DNAJB2: variants seen among roughly 807,000 people sequenced by gnomAD.
DNAJB2 encodes the protein DnaJ heat shock protein family (Hsp40) member B2.
In DNAJB2, 19 loss-of-function variants were observed where a neutral mutation model predicts 33.3. The observed-to-expected ratio is 0.57, with a 90% CI of 0.40 to 0.84. The LOEUF is 0.84. Ranked by LOEUF, DNAJB2 falls within the 40% of genes least tolerant of loss-of-function variation. The probability of loss-of-function intolerance (pLI) is 0.00; values close to 1 mark genes in which losing one functional copy is unlikely to be tolerated. For synonymous variants in DNAJB2, 172 were observed against 164.6 expected, an observed-to-expected ratio of 1.04 and a Z score of -0.34; for missense variants, 368 against 430.9, an observed-to-expected ratio of 0.85 and a Z score of 1.29.
In DNAJB2 at chr2:219,282,919, TG is replaced by T; in HGVS notation, c.438del (p.His147ThrfsTer54). The T allele has an allele frequency of 1.2e-6, 2 of 1,601,014 alleles. No individual in the cohort carries two copies. The highest frequency in any genetic ancestry group is 1.8e-5 in the Admixed American group (1 of 56,624). On this transcript the variant is annotated frameshift_variant, in exon 6 of 9. Coordinates refer to ENST00000336576, the MANE Select transcript of DNAJB2 (RefSeq NM_006736.6). LOFTEE classifies it high-confidence loss of function. ...TCTTTACCTTCTCTTCCTCCTTCCC[TG>T]GGCACTCCGGTAAGTTCTGCCCCTT... The part of the protein sequence containing the change: ...PFFTFSSSFP[G>X]HSDFSSSSFS...
intron 2 of DNAJB2, 114 bp from the exon 3 acceptor site, chr2:219,280,464 A>C: frequency 1.3e-6 from 1 of 745,422 alleles, no homozygotes; most frequent in Non-Finnish European, 2.2e-6. Flanking sequence ...GTGGACTGGG[A>C]CCCGGGGGTG....
In DNAJB2 at chr2:219,284,674, G is replaced by A. The variant is rs749289057; in HGVS notation, c.662G>A (p.Arg221His). 1.0e-5 allele frequency: 16 copies of A among 1,607,340 alleles called. No individual in the cohort carries two copies. Among genetic ancestry groups the A allele is most frequent in the Middle Eastern group, 1.8e-4 (1 of 5,510 alleles). ...GCACTGGGCTTGGAGCTGAGCCGTC[G>A]CGAGCAGCAGCCGTCAGTCACTTCC... ...DLALGLELSR[R>H]EQQPSVTSRS... Residue 221 changes from arginine (R) to histidine (H), a missense_variant, in exon 9 of 9, where the codon CGC (arginine) becomes CAC (histidine). Coordinates refer to ENST00000336576, the MANE Select transcript of DNAJB2 (RefSeq NM_006736.6).
intron 5 of DNAJB2, chr2:219,282,289 A>G (rs1292863155): frequency 6.7e-6 from 4 of 599,984 alleles, no homozygotes; most frequent in Middle Eastern, 2.6e-4. Context: ...AATTACAACA[A>G]TAATACATTG....
At chr2:219,281,804 T>TGGGGCAGGGAGGAGA in intron 4 of DNAJB2, 33 bp downstream of exon 4, 1 of 1,613,350 alleles carries the variant, frequency 6.2e-7, no homozygotes, top group Non-Finnish European at 8.5e-7. Flanking sequence ...GGAATGGAGG[T>TGGGGCAGGGAGGAGA]GGGGCAGGGA....
At position 219,286,397 on chromosome 2, in the gene DNAJB2, G is replaced by C. The variant is rs1951957012; in HGVS notation, c.*1410G>C. The C allele has an allele frequency of 5.2e-6, 1 of 193,648 alleles. No individual in the cohort carries two copies. The highest frequency in any genetic ancestry group is 5.4e-5 in the Admixed American group (1 of 18,644). The allele number at this position is 193,648 out of a possible 1,614,324, so 12.0% of individuals were successfully genotyped here. A position where few individuals can be genotyped will look rare whatever the true frequency, so the allele number is the denominator to read the frequency against. On this transcript the variant is annotated 3_prime_UTR_variant, in exon 9 of 9. Transcript: ENST00000336576. ...GGGCTGGCAGGGTTGTAGATGAAGG[G>C]GGAATGATCTGAGCCTTGGTTCCCC... is the stretch of plus-strand genomic sequence containing the variant.
intron 2 of DNAJB2, chr2:219,280,138 A>G: frequency 1.8e-6 from 1 of 554,372 alleles, no homozygotes; most frequent in East Asian, 3.1e-5. Context: ...GTTGTTCTCC[A>G]GTTGATCTTC....
chr2:219,280,363 C>A (rs545260901), intron 2 of DNAJB2, among the ~76,000 whole-genome samples: 1 of 152,186 alleles, frequency 6.6e-6, no homozygotes, highest in Non-Finnish European at 1.5e-5. Context: ...GCATTGTATC[C>A]GCTTGTACAT....
chr2:219,285,803 G>T lies in DNAJB2; in HGVS notation c.*816G>T. The T allele has an allele frequency of 7.2e-7, 1 of 1,390,210 alleles. No homozygotes were observed. The allele number at this position is 1,390,210 out of a possible 1,614,324, so 86.1% of individuals were successfully genotyped here. A position where few individuals can be genotyped will look rare whatever the true frequency, so the allele number is the denominator to read the frequency against. On this transcript the variant is annotated 3_prime_UTR_variant, in exon 9 of 9. Coordinates refer to ENST00000336576, the MANE Select transcript of DNAJB2 (RefSeq NM_006736.6). Reference sequence around the variant, plus strand: ...TGAGGCTGGCTCACCCTGAAGAGGTGGGATAGGACCGGGGGACCCCAGAGG... The same window carrying T: ...TGAGGCTGGCTCACCCTGAAGAGGTTGGATAGGACCGGGGGACCCCAGAGG...
Position 219,279,999 on chromosome 2 carries a change from C to A in DNAJB2, c.65+101C>A. 1 of 1,348,368 alleles carries A rather than the reference C, an allele frequency of 7.4e-7. No homozygotes were observed. Among genetic ancestry groups the A allele is most frequent in the Non-Finnish European group, 1.0e-6 (1 of 960,840 alleles). The allele number at this position is 1,348,368 out of a possible 1,614,324, so 83.5% of individuals were successfully genotyped here. On this transcript the variant is annotated intron_variant, in intron 2 of 8. Coordinates refer to ENST00000336576, the MANE Select transcript of DNAJB2 (RefSeq NM_006736.6). This position sits in a 1 kb window ranked among gnomAD's most constrained non-coding sequence, Gnocchi z 4.9. Reference sequence around the variant, plus strand: ...CTGTAGGTGTCTGAGGGAACCAGGTCGTTAGAAAGCACTGGGGTGCTTCTT... The same window carrying A: ...CTGTAGGTGTCTGAGGGAACCAGGTAGTTAGAAAGCACTGGGGTGCTTCTT...
At position 219,279,587 on chromosome 2, in the gene DNAJB2, G is replaced by T; in HGVS notation, c.-37+69G>T. The T allele has an allele frequency of 2.0e-6, 1 of 508,616 alleles. No homozygotes were observed. The highest frequency in any genetic ancestry group is 3.5e-6 in the Non-Finnish European group (1 of 284,214). The allele number at this position is 508,616 out of a possible 1,614,324, so 31.5% of individuals were successfully genotyped here. On this transcript the variant is annotated intron_variant, in intron 1 of 8. Coordinates refer to ENST00000336576, the MANE Select transcript of DNAJB2 (RefSeq NM_006736.6). This position sits in a 1 kb window ranked among gnomAD's most constrained non-coding sequence, Gnocchi z 4.9. Reference sequence around the variant, plus strand: ...CTGCTGGAGTTGGGGGGCCCCGATAGGGCTCCTGGGCCTGGGCGTCGAGAT... The same window carrying T: ...CTGCTGGAGTTGGGGGGCCCCGATATGGCTCCTGGGCCTGGGCGTCGAGAT...
intron 7 of DNAJB2, 68 bp from the exon 8 acceptor site, chr2:219,283,351 C>T (rs1329311321): frequency 1.2e-6 from 2 of 1,607,450 alleles, no homozygotes; most frequent in South Asian, 1.1e-5. Flanking sequence ...CTGCGGTGGC[C>T]AGAACTGGGA....
Position 219,279,948 on chromosome 2 carries a change from C to G in DNAJB2, c.65+50C>G, listed in dbSNP as rs201236722. 3.2e-3 allele frequency: 5,137 copies of G among 1,600,670 alleles called. 24 individuals carry two copies. Among genetic ancestry groups the G allele is most frequent in the Non-Finnish European group, 4.0e-3 (4,632 of 1,169,630 alleles). On this transcript the variant is annotated intron_variant, in intron 2 of 8. Transcript: ENST00000336576. The surrounding 1 kb of genome is among the most constrained non-coding windows in gnomAD (Gnocchi z 4.9). ...AGACCTCTCACCCTCCACCCGCCAC[C>G]ACCATGGGGCACTTCAGAGTGACAC...
chr2:219,282,214 C>A (rs1951911730), intron 5 of DNAJB2, 153 bp downstream of exon 5: 4 of 1,216,192 alleles, frequency 3.3e-6, no homozygotes, highest in Non-Finnish European at 2.4e-6. Flanking sequence ...AGAGCCGGGA[C>A]AGAACCTCAC....
chr2:219,282,688 A>G (rs1461845812), intron 5 of DNAJB2, 149 bp from the exon 6 acceptor site: 6 of 641,392 alleles, frequency 9.4e-6, no homozygotes, highest in Non-Finnish European at 1.5e-5. Context: ...TCAACATTAA[A>G]AAGGAATTTA....
At chr2:219,280,179 C>G in intron 2 of DNAJB2, 1 of 538,866 alleles carries the variant, frequency 1.9e-6, no homozygotes, top group East Asian at 3.2e-5. Context: ...CTCCTTTCCC[C>G]TCCCCTCCCC....
Position 219,285,802 on chromosome 2 carries a change from T to G in DNAJB2, c.*815T>G. 1 of 1,385,378 alleles carries G rather than the reference T, an allele frequency of 7.2e-7. No individual in the cohort carries two copies. The highest frequency in any genetic ancestry group is 9.4e-7 in the Non-Finnish European group (1 of 1,065,206). 85.8% of individuals were successfully genotyped at this position (1,385,378 alleles called of 1,614,324 possible). A position where few individuals can be genotyped will look rare whatever the true frequency, so the allele number is the denominator to read the frequency against. Reference sequence around the variant, plus strand: ...GTGAGGCTGGCTCACCCTGAAGAGGTGGGATAGGACCGGGGGACCCCAGAG... The same window carrying G: ...GTGAGGCTGGCTCACCCTGAAGAGGGGGGATAGGACCGGGGGACCCCAGAG... On this transcript the variant is annotated 3_prime_UTR_variant, in exon 9 of 9. Transcript: ENST00000336576.
chr2:219,286,138 G>T lies in DNAJB2; in HGVS notation c.*1151G>T. 1.5e-6 allele frequency: 1 copy of T among 683,718 alleles called. No individual in the cohort carries two copies. Among genetic ancestry groups the T allele is most frequent in the East Asian group, 3.0e-5 (1 of 33,010 alleles). The allele number at this position is 683,718 out of a possible 1,614,324, so 42.4% of individuals were successfully genotyped here. ...GGCCTGGGTGGCGGGTGGGGGCCGG[G>T]TGGGAGGTGGCAGTAGTCTTAGCCT... On this transcript the variant is annotated 3_prime_UTR_variant, in exon 9 of 9. Coordinates refer to ENST00000336576, the MANE Select transcript of DNAJB2 (RefSeq NM_006736.6).
intron 4 of DNAJB2, 28 bp downstream of exon 4, chr2:219,281,799 G>A: frequency 6.2e-7 from 1 of 1,613,980 alleles, no homozygotes; most frequent in Non-Finnish European, 8.5e-7. Flanking sequence ...GCCCAGGAAT[G>A]GAGGTGGGGC....
intron 8 of DNAJB2, 58 bp from the exon 9 acceptor site, chr2:219,284,574 C>A (rs929880543): frequency 2.6e-6 from 4 of 1,527,210 alleles, no homozygotes; most frequent in Non-Finnish European, 3.5e-6. Context: ...TGTGAGGCAG[C>A]CTGGCAGTAA....
Sources: gnomAD v4.1 joint callset for allele counts (sites outside exome capture counted in the v4.1 genomes callset) on GRCh38, gnomAD v4.1.1 for gene constraint, Gnocchi (gnomAD v3.1) non-coding constraint, MANE v1.5 for transcripts, NCBI Gene and HGNC (gene_info 2026-07-23, HGNC 2026-07-21) for gene names.